The following KDM2B variants were observed in gnomAD, a reference collection of about 807,000 sequenced individuals.
KDM2B encodes the protein lysine-specific demethylase 2B.
A neutral mutation model predicts 150.0 loss-of-function variants in KDM2B; 26 were observed. That is an observed-to-expected ratio of 0.17 (90% CI 0.13 to 0.24). The LOEUF is 0.24. KDM2B is among the 10% of genes least tolerant of loss of function. KDM2B has a pLI of 1.00. For missense variants in KDM2B, 1,265 were observed against 1,816.9 expected (o/e 0.70, Z 5.52); for synonymous variants, 734 against 729.5 (o/e 1.01, Z -0.10).
At chr12:121,461,617 C>T (rs550328770) in intron 12 of KDM2B, among the ~76,000 whole-genome samples, 5 of 152,106 alleles carry the variant, frequency 3.3e-5, no homozygotes, top group Non-Finnish European at 7.3e-5. Context: ...AGGTTTCCGA[C>T]TTGAGCAACA....
At chr12:121,489,488 G>A (rs1883132754) in intron 12 of KDM2B, among the ~76,000 whole-genome samples, 1 of 152,060 alleles carries the variant, frequency 6.6e-6, no homozygotes, top group African/African-American at 2.4e-5. Flanking sequence ...CACCCAGGCT[G>A]GAGTACAGTG....
intron 12 of KDM2B, chr12:121,469,401 G>A (rs1310054031): frequency 6.7e-6 from 1 of 149,676 alleles, no homozygotes; most frequent in African/African-American, 2.5e-5. Flanking sequence ...TGAATCACCT[G>A]AGGTCAAGAA....
At chr12:121,439,656 G>A (rs782435425) in intron 22 of KDM2B, among the ~76,000 whole-genome samples, 7 of 152,016 alleles carry the variant, frequency 4.6e-5, no homozygotes, top group East Asian at 1.9e-4. Flanking sequence ...CTGGGATTAC[G>A]GGCGTGAGCT....
chr12:121,441,016 G>C, intron 20 of KDM2B, 39 bp from the exon 21 acceptor site: 1 of 1,612,274 alleles, frequency 6.2e-7, no homozygotes, highest in Non-Finnish European at 8.5e-7. Flanking sequence ...CAGGGGATGT[G>C]TCCCCAGCCC....
intron 12 of KDM2B, among the ~76,000 whole-genome samples, chr12:121,473,727 A>AT (rs1881027147): frequency 6.6e-6 from 1 of 151,522 alleles, no homozygotes; most frequent in South Asian, 2.1e-4. Flanking sequence ...ACTCAAAAAA[A>AT]AAAAAAAGAG....
Position 121,443,040 on chromosome 12 carries a change from AAAAG to A in KDM2B, c.2566-14_2566-11del, listed in dbSNP as rs782225703. On this transcript the variant is annotated splice_polypyrimidine_tract_variant and intron_variant, in intron 17 of 22. Transcript: ENST00000377071. ...CTTTGCCAGGTTTGAGCTGTCACGA[AAAAG>A]AAAGGACGCAGAGCTTGCTCCCCGG... 1.2e-6 allele frequency: 2 copies of A among 1,610,964 alleles called. No homozygotes were observed. The highest frequency in any genetic ancestry group is 1.3e-5 in the African/African-American group (1 of 74,582).
At chr12:121,505,460 G>A (rs1418568686) in intron 11 of KDM2B, among the ~76,000 whole-genome samples, 1 of 151,904 alleles carries the variant, frequency 6.6e-6, no homozygotes. Flanking sequence ...GCAACACAGC[G>A]AGACCTCTGT....
In KDM2B at chr12:121,510,064, G is replaced by A. The variant is rs782310702; in HGVS notation, c.1175-25C>T. 4.6e-6 allele frequency: 7 copies of A among 1,514,118 alleles called. No homozygotes were observed. In the Admixed American group the frequency reaches 1.3e-4, roughly 28 times the overall value. The allele number at this position is 1,514,118 out of a possible 1,614,324, so 93.8% of individuals were successfully genotyped here. A position where few individuals can be genotyped will look rare whatever the true frequency, so the allele number is the denominator to read the frequency against. ...TCTGTGGGGGCAGGGTCACAAGAAA[G>A]ACCGAGATGACACCTAACTCCCTGC... is the stretch of plus-strand genomic sequence containing the variant. On this transcript the variant is annotated intron_variant, in intron 10 of 22. Transcript: ENST00000377071.
At chr12:121,473,847 T>C (rs190112055) in intron 12 of KDM2B, among the ~76,000 whole-genome samples, 17 of 152,316 alleles carry the variant, frequency 1.1e-4, no homozygotes, top group Admixed American at 5.2e-4. Context: ...CCATTTGATT[T>C]GTGAATAAAC....
At chr12:121,421,724 T>G in the KDM2B span, among the ~76,000 whole-genome samples, 1 of 152,212 alleles carries the variant, frequency 6.6e-6, no homozygotes, top group African/African-American at 2.4e-5. Context: ...TATTTTTAAA[T>G]TGAGACAGGG....
intron 6 of KDM2B, among the ~76,000 whole-genome samples, chr12:121,547,100 G>A (rs143440453): frequency 6.6e-6 from 1 of 152,156 alleles, no homozygotes; most frequent in Non-Finnish European, 1.5e-5. Flanking sequence ...TCCCCTCCCA[G>A]GACTGGAGCC....
At position 121,537,244 on chromosome 12, in the gene KDM2B, GC is replaced by G. The variant is rs1325360789; in HGVS notation, c.684-2655del. 9.2e-5 allele frequency: 14 copies of G among 152,824 alleles called. No homozygotes were observed. Among genetic ancestry groups the G allele is most frequent in the African/African-American group, 3.4e-4 (14 of 41,398 alleles). 9.5% of individuals were successfully genotyped at this position (152,824 alleles called of 1,614,324 possible). A position where few individuals can be genotyped will look rare whatever the true frequency, so the allele number is the denominator to read the frequency against. On this transcript the variant is annotated intron_variant, in intron 6 of 22. Transcript: ENST00000377071. This position sits in a 1 kb window ranked among gnomAD's most constrained non-coding sequence, Gnocchi z 8.7. ...CAGGCCACCCCCGCTCCCGCCCCGC[GC>G]TGGCTCCGGGGCTCCCCCCTGGCTG...
intron 12 of KDM2B, among the ~76,000 whole-genome samples, chr12:121,456,188 C>T (rs782256187): frequency 1.4e-4 from 22 of 152,220 alleles, no homozygotes; most frequent in Non-Finnish European, 3.2e-4. Flanking sequence ...TAAACCACAG[C>T]AAATGCATGT....
intron 4 of KDM2B, among the ~76,000 whole-genome samples, chr12:121,550,641 G>C (rs111970470): frequency 2.6e-5 from 4 of 152,174 alleles, no homozygotes; most frequent in Non-Finnish European, 4.4e-5. Context: ...TTACAGGCAT[G>C]TGCTACCACA....
At position 121,532,740 on chromosome 12, in the gene KDM2B, G is replaced by T. The variant is rs1171889523; in HGVS notation, c.931+66C>A. On this transcript the variant is annotated intron_variant, in intron 8 of 22. Coordinates refer to ENST00000377071, the MANE Select transcript of KDM2B (RefSeq NM_032590.5). ...ACCAGGCCCAGAGCAACCCTCAGGGGGCCTAAAACCCTGGCTCAGGCCGCA... is the reference window on the plus strand; with the variant it reads ...ACCAGGCCCAGAGCAACCCTCAGGGTGCCTAAAACCCTGGCTCAGGCCGCA... 2.8e-5 allele frequency: 44 copies of T among 1,552,214 alleles called. 1 individual carries two copies. The highest frequency in any genetic ancestry group is 3.8e-5 in the Non-Finnish European group (43 of 1,134,790).
At chr12:121,412,904 A>G in the KDM2B span, among the ~76,000 whole-genome samples, 1 of 150,166 alleles carries the variant, frequency 6.7e-6, no homozygotes, top group Non-Finnish European at 1.5e-5. Flanking sequence ...TTTAGTAGAG[A>G]CGGGGTTTCA....
chr12:121,535,664 G>T (rs1276080585), intron 6 of KDM2B, among the ~76,000 whole-genome samples: 1 of 152,206 alleles, frequency 6.6e-6, no homozygotes, highest in Non-Finnish European at 1.5e-5. Flanking sequence ...GAAGAACTTG[G>T]ACCTTGGAGG....
chr12:121,515,842 A>T (rs1462450446), intron 9 of KDM2B, among the ~76,000 whole-genome samples: 4 of 152,082 alleles, frequency 2.6e-5, no homozygotes, highest in African/African-American at 9.7e-5. Flanking sequence ...CATGGCCACC[A>T]CATGCTCTTC....
At position 121,575,349 on chromosome 12, in the gene KDM2B, G is replaced by A. The variant is rs1320123954; in HGVS notation, c.350+432C>T. Among the ~76,000 whole-genome samples the A allele has an allele frequency of 2.0e-5, 3 of 152,232 alleles. No individual in the cohort carries two copies. Among genetic ancestry groups the A allele is most frequent in the Non-Finnish European group, 2.9e-5 (2 of 68,046 alleles). On this transcript the variant is annotated intron_variant, in intron 3 of 22. Transcript: ENST00000377071. This position sits in a 1 kb window ranked among gnomAD's most constrained non-coding sequence, Gnocchi z 4.4. ...AGCTGCAGGGCAGGCAAAGAAAGGGGAGACATTGGCACCCCAGGAATCTGC... is the reference window on the plus strand; with the variant it reads ...AGCTGCAGGGCAGGCAAAGAAAGGGAAGACATTGGCACCCCAGGAATCTGC...
Sources: gnomAD v4.1 joint callset for allele counts (sites outside exome capture counted in the v4.1 genomes callset) on GRCh38, gnomAD v4.1.1 for gene constraint, Gnocchi (gnomAD v3.1) non-coding constraint, MANE v1.5 for transcripts, NCBI Gene and HGNC (gene_info 2026-07-23, HGNC 2026-07-21) for gene names.